The following STX8 variants were observed in gnomAD, a reference collection of about 807,000 sequenced individuals.
The protein encoded by STX8 is syntaxin 8.
Under a neutral mutation model 37.5 loss-of-function variants are expected in STX8, and 23 were observed. The ratio of observed to expected loss-of-function variants is 0.61; its 90% confidence interval spans 0.44 to 0.87. The LOEUF is 0.87. STX8 is among the 40% of genes least tolerant of loss of function. The pLI, the probability that STX8 is intolerant of heterozygous loss-of-function variation, is 0.00. For missense variants in STX8, 313 were observed against 284.7 expected (o/e 1.10, Z -0.71); for synonymous variants, 115 against 99.1 (o/e 1.16, Z -0.95).
rs376589192 is a variant in STX8, at chr17:9,396,622, T to A, written c.542-17969A>T. On this transcript the variant is annotated intron_variant, in intron 6 of 7. Transcript: ENST00000306357. Reference sequence around the variant, plus strand: ...CTACTCGGGAGGCTGAGGCAGGAGATTCGCTTGAACCCAGGAGGCGGAGGT... The same window carrying A: ...CTACTCGGGAGGCTGAGGCAGGAGAATCGCTTGAACCCAGGAGGCGGAGGT... 2.7e-3 allele frequency among the ~76,000 whole-genome samples: 406 copies of A among 151,208 alleles called. 3 individuals carry two copies. The highest frequency in any genetic ancestry group is 9.5e-3 in the African/African-American group (392 of 41,198).
intron 7 of STX8, among the ~76,000 whole-genome samples, chr17:9,345,226 C>T (rs917981342): frequency 1.3e-5 from 2 of 151,980 alleles, no homozygotes; most frequent in Non-Finnish European, 2.9e-5. Context: ...TCTCAGCTCA[C>T]TGAAACCTCT....
At chr17:9,471,931 A>G (rs1029447637) in intron 6 of STX8, among the ~76,000 whole-genome samples, 3 of 152,176 alleles carry the variant, frequency 2.0e-5, no homozygotes, top group Admixed American at 2.0e-4. Context: ...CACAGTAATT[A>G]TGTTCCATAA....
At chr17:9,302,955 T>C (rs1908837749) in intron 7 of STX8, among the ~76,000 whole-genome samples, 3 of 146,924 alleles carry the variant, frequency 2.0e-5, no homozygotes, top group East Asian at 2.0e-4. Flanking sequence ...CGAAAAATGG[T>C]GAATTTTATA....
chr17:9,324,147 CACACACACAA>C (rs1484759538), intron 7 of STX8, among the ~76,000 whole-genome samples: 2 of 151,634 alleles, frequency 1.3e-5, no homozygotes, highest in African/African-American at 2.4e-5. Flanking sequence ...CACACACACA[CACACACACAA>C]ACACAAACAC....
chr17:9,304,208 TAAGAAA>T (rs1908878663), intron 7 of STX8, among the ~76,000 whole-genome samples: 1 of 151,802 alleles, frequency 6.6e-6, no homozygotes, highest in African/African-American at 2.4e-5. Context: ...ATTTCACTCA[TAAGAAA>T]AATACAAAAG....
rs1250028682 is a variant in STX8, at chr17:9,400,202, A to T, written c.542-21549T>A. ...ACTGCAAGCTCCGCCTCCCGGGTTC[A>T]TGCCATTCTCCTGCCTCAGCCTGCC... On this transcript the variant is annotated intron_variant, in intron 6 of 7. Coordinates refer to ENST00000306357, the MANE Select transcript of STX8 (RefSeq NM_004853.3). 1.2e-4 allele frequency among the ~76,000 whole-genome samples: 18 copies of T among 150,520 alleles called. No homozygotes were observed. In the South Asian group the frequency reaches 2.1e-3, roughly 18 times the overall value.
intron 1 of STX8, among the ~76,000 whole-genome samples, chr17:9,569,091 A>C (rs1050279231): frequency 6.6e-6 from 1 of 152,210 alleles, no homozygotes; most frequent in African/African-American, 2.4e-5. Flanking sequence ...CTGCAAACCA[A>C]GGCCGTCTGG....
chr17:9,319,083 G>A (rs779249942), intron 7 of STX8, among the ~76,000 whole-genome samples: 1 of 152,098 alleles, frequency 6.6e-6, no homozygotes, highest in Non-Finnish European at 1.5e-5. Flanking sequence ...ATTTTTCCAC[G>A]TGGAAATTAG....
intron 7 of STX8, among the ~76,000 whole-genome samples, chr17:9,368,913 C>T (rs1036079067): frequency 1.4e-5 from 2 of 142,716 alleles, no homozygotes; most frequent in Non-Finnish European, 3.0e-5. Context: ...GTCCTATCTA[C>T]CTTTTACCCT....
intron 6 of STX8, among the ~76,000 whole-genome samples, chr17:9,457,691 A>G (rs963041383): frequency 5.3e-5 from 8 of 152,184 alleles, no homozygotes; most frequent in African/African-American, 1.9e-4. Context: ...GGCTGTTCTC[A>G]TGATCATAAG....
chr17:9,528,587 C>T (rs547399660), intron 4 of STX8, among the ~76,000 whole-genome samples: 13 of 152,216 alleles, frequency 8.5e-5, no homozygotes, highest in East Asian at 7.7e-4. Flanking sequence ...GGATTACAGG[C>T]GTGAGCCACT....
intron 2 of STX8, among the ~76,000 whole-genome samples, chr17:9,562,346 A>C (rs1469853552): frequency 4.6e-5 from 7 of 151,676 alleles, no homozygotes; most frequent in Non-Finnish European, 7.4e-5. Context: ...GCGGAGCTTG[A>C]AGTGAGCCGA....
chr17:9,334,190 C>T (rs1026899256), intron 7 of STX8, among the ~76,000 whole-genome samples: 9 of 151,746 alleles, frequency 5.9e-5, no homozygotes, highest in Admixed American at 5.9e-4. Flanking sequence ...GCTGGTTTCT[C>T]AATCTGGGTG....
intron 4 of STX8, among the ~76,000 whole-genome samples, chr17:9,520,521 CAAAT>C (rs1406640582): frequency 2.6e-5 from 4 of 152,242 alleles, no homozygotes; most frequent in Middle Eastern, 3.4e-3. Flanking sequence ...TGAAACTTTT[CAAAT>C]AAATGAAACT....
rs9898051 is a variant in STX8, at chr17:9,267,523, G to A, written c.644-16878C>T. Among the ~76,000 whole-genome samples the A allele has an allele frequency of 7.9e-3, 1,204 of 152,246 alleles. 18 individuals are homozygous for A. Among genetic ancestry groups the A allele is most frequent in the African/African-American group, 0.027 (1,113 of 41,536 alleles). On this transcript the variant is annotated intron_variant, in intron 7 of 7. Transcript: ENST00000306357. ...CACGAGTGAGACCTCTGAGCTGAAC[G>A]CAGCAGCCTCCTGCCATCGGGCGCA... is the stretch of plus-strand genomic sequence containing the variant.
chr17:9,300,331 CAAAAA>C (rs3060137), intron 7 of STX8, among the ~76,000 whole-genome samples: 1 of 69,320 alleles, frequency 1.4e-5, no homozygotes, highest in Non-Finnish European at 2.7e-5. Flanking sequence ...AACTCCATCT[CAAAAA>C]AAAAAAAAAA....
chr17:9,282,012 C>A (rs955520064), intron 7 of STX8, among the ~76,000 whole-genome samples: 1 of 152,254 alleles, frequency 6.6e-6, no homozygotes, highest in South Asian at 2.1e-4. Flanking sequence ...TCTCCCCACT[C>A]TCCTGTTGGA....
intron 7 of STX8, among the ~76,000 whole-genome samples, chr17:9,262,688 T>G (rs1907087166): frequency 6.6e-6 from 1 of 151,972 alleles, no homozygotes; most frequent in Admixed American, 6.6e-5. Context: ...TTCAAGCAAT[T>G]CTCCTGCCTC....
At chr17:9,494,304 C>T (rs937091881) in intron 5 of STX8, among the ~76,000 whole-genome samples, 7 of 151,444 alleles carry the variant, frequency 4.6e-5, no homozygotes, top group Admixed American at 4.6e-4. Flanking sequence ...CGTGAGCCAC[C>T]GCCCCCGGCC....
Sources: gnomAD v4.1 joint callset for allele counts (sites outside exome capture counted in the v4.1 genomes callset) on GRCh38, gnomAD v4.1.1 for gene constraint, MANE v1.5 for transcripts, NCBI Gene and HGNC (gene_info 2026-07-23, HGNC 2026-07-21) for gene names.